The following COL16A1 variants were observed in gnomAD, a reference collection of about 807,000 sequenced individuals.
COL16A1 encodes collagen type XVI alpha 1 chain.
COL16A1 carries 189 observed loss-of-function variants against 266.3 expected under a neutral mutation model. That is an observed-to-expected ratio of 0.71 (90% CI 0.63 to 0.80). The LOEUF is 0.80. COL16A1 is among the 30% of genes least tolerant of loss of function. The pLI, the probability that COL16A1 is intolerant of heterozygous loss-of-function variation, is 0.00. For missense variants in COL16A1, 1,928 were observed against 2,122.4 expected (o/e 0.91, Z 1.80); for synonymous variants, 740 against 782.3 (o/e 0.95, Z 0.90).
At chr1:31,660,810 C>T (rs549547692) in intron 61 of COL16A1, among the ~76,000 whole-genome samples, 172 bp from the exon 62 acceptor site, 1 of 152,342 alleles carries the variant, frequency 6.6e-6, no homozygotes, top group East Asian at 1.9e-4. Context: ...GTAGAGAAGG[C>T]GGATCCTCAG....
At chr1:31,659,077 T>G in intron 62 of COL16A1, 113 bp from the exon 63 acceptor site, 1 of 988,734 alleles carries the variant, frequency 1.0e-6, no homozygotes, top group East Asian at 2.7e-5. Flanking sequence ...CCATTTCCTC[T>G]GGAAACCTTC....
chr1:31,669,965 G>C (rs1205153039), intron 49 of COL16A1: 5 of 152,362 alleles, frequency 3.3e-5, no homozygotes. Context: ...CTGGAGCCAA[G>C]GAAGAGGAAG....
Position 31,685,809 on chromosome 1 carries a change from C to A in COL16A1, c.1885-39G>T. On this transcript the variant is annotated intron_variant, in intron 28 of 70. Coordinates refer to ENST00000373672, the MANE Select transcript of COL16A1 (RefSeq NM_001856.4). This position sits in a 1 kb window ranked among gnomAD's most constrained non-coding sequence, Gnocchi z 4.0. ...ACATTGAGTTAGGGGGTCCCCCAGG[C>A]CCTAGTGCACTTGAGCGAGGTTTGG... 6.2e-7 allele frequency: 1 copy of A among 1,606,348 alleles called. No individual in the cohort carries two copies. The highest frequency in any genetic ancestry group is 8.5e-7 in the Non-Finnish European group (1 of 1,174,558).
At chr1:31,654,643 C>T in intron 68 of COL16A1, 149 bp downstream of exon 68, 1 of 1,445,468 alleles carries the variant, frequency 6.9e-7, no homozygotes, top group Non-Finnish European at 9.4e-7. Context: ...GATAATTGAA[C>T]ATCTGCCTGT....
At chr1:31,689,930 A>T in intron 22 of COL16A1, 79 bp from the exon 23 acceptor site, 3 of 1,236,800 alleles carry the variant, frequency 2.4e-6, no homozygotes, top group South Asian at 2.5e-5. Context: ...TGCGCAGACC[A>T]GCCCTAGACA....
chr1:31,689,109 G>A (rs748927309), intron 23 of COL16A1, 24 bp from the exon 24 acceptor site: 3 of 1,613,272 alleles, frequency 1.9e-6, no homozygotes, highest in Non-Finnish European at 1.7e-6. Flanking sequence ...AGGTTTGTGG[G>A]CTGAGGCAGG....
chr1:31,669,859 G>C (rs1353185097), intron 49 of COL16A1: 1 of 152,556 alleles, frequency 6.6e-6, no homozygotes, highest in African/African-American at 2.4e-5. Flanking sequence ...GGCAGAAGGA[G>C]CCGGCCAAGG....
At position 31,698,613 on chromosome 1, in the gene COL16A1, A is replaced by G. The variant is rs1644599792; in HGVS notation, c.267-7T>C. The G allele has an allele frequency of 6.2e-7, 1 of 1,613,476 alleles. No individual in the cohort carries two copies. Among genetic ancestry groups the G allele is most frequent in the Non-Finnish European group, 8.5e-7 (1 of 1,179,924 alleles). On this transcript the variant is annotated splice_polypyrimidine_tract_variant and splice_region_variant and intron_variant, in intron 4 of 70. Coordinates refer to ENST00000373672, the MANE Select transcript of COL16A1 (RefSeq NM_001856.4). This position sits in a 1 kb window ranked among gnomAD's most constrained non-coding sequence, Gnocchi z 4.1. Reference sequence around the variant, plus strand: ...ACCCCGAGGGAATACTCTTCTGGAGATGGAGCAGGGAGGGTGCCCTGAGGC... The same window carrying G: ...ACCCCGAGGGAATACTCTTCTGGAGGTGGAGCAGGGAGGGTGCCCTGAGGC...
chr1:31,687,358 G>C (rs1644031771), intron 26 of COL16A1, among the ~76,000 whole-genome samples: 1 of 148,016 alleles, frequency 6.8e-6, no homozygotes, highest in South Asian at 2.2e-4. Context: ...CTCCAGCCTG[G>C]GCAACAGAGT....
intron 44 of COL16A1, among the ~76,000 whole-genome samples, chr1:31,674,399 C>T (rs1396432274): frequency 6.6e-6 from 1 of 152,250 alleles, no homozygotes; most frequent in Non-Finnish European, 1.5e-5. Flanking sequence ...CTATGTGACT[C>T]TTGATTCCAA....
At chr1:31,681,338 ATTG>A (rs1308934181) in intron 37 of COL16A1, among the ~76,000 whole-genome samples, 1 of 152,190 alleles carries the variant, frequency 6.6e-6, no homozygotes, top group Non-Finnish European at 1.5e-5. Flanking sequence ...GCAGGACGGT[ATTG>A]TTCTGGTTTT....
At chr1:31,696,064 T>TCCGGCCCCCCC in intron 9 of COL16A1, 24 bp downstream of exon 9, 1 of 1,595,642 alleles carries the variant, frequency 6.3e-7, no homozygotes, top group Non-Finnish European at 8.6e-7. Context: ...GCAGGTAGGC[T>TCCGGCCCCCCC]CCTCCCCCCA....
Position 31,683,995 on chromosome 1 carries a change from G to C in COL16A1, c.2292C>G (p.Pro764=). 6.2e-7 allele frequency: 1 copy of C among 1,614,176 alleles called. No individual in the cohort carries two copies. The highest frequency in any genetic ancestry group is 8.5e-7 in the Non-Finnish European group (1 of 1,180,010). Residue 764 remains proline, a synonymous_variant, in exon 33 of 71, where the codon CCC becomes CCG. Transcript: ENST00000373672. ...GGGGCCCTTGAACTCCTGGTAGACC[G>C]GGTTGGCCCTAAAAGGCATAAGGTG... ...GVGRPGKPGQ[P]GLPGVQGPPG...
intron 56 of COL16A1, 90 bp from the exon 57 acceptor site, chr1:31,662,748 G>T: frequency 1.5e-6 from 2 of 1,355,406 alleles, no homozygotes; most frequent in Non-Finnish European, 1.0e-6. Flanking sequence ...TGGGTCAAGG[G>T]TCCTGGTGAC....
chr1:31,666,134 G>A (rs1642124821), intron 52 of COL16A1, 53 bp from the exon 53 acceptor site: 4 of 1,559,560 alleles, frequency 2.6e-6, no homozygotes, highest in Non-Finnish European at 3.5e-6. Context: ...GGTGAAGGAT[G>A]AGGTAGGGGG....
At position 31,693,090 on chromosome 1, in the gene COL16A1, A is replaced by T. The variant is rs1460412208; in HGVS notation, c.1071+2T>A. ...TGCCACGGGCAGGGCTGGGACACTT[A>T]CCCGTGCTCCCTTCTCTCCCTTGGA... On this transcript the variant is annotated splice_donor_variant, in intron 13 of 70. Transcript: ENST00000373672. LOFTEE classifies it high-confidence loss of function. 3.7e-5 allele frequency: 59 copies of T among 1,599,304 alleles called. No individual in the cohort carries two copies. Among genetic ancestry groups the T allele is most frequent in the Non-Finnish European group, 5.0e-5 (58 of 1,167,398 alleles).
rs1641182858 is a variant in COL16A1, at chr1:31,656,655, G to T, written c.4057-211C>A. Among the ~76,000 whole-genome samples, 1 of 152,166 alleles carries T rather than the reference G, an allele frequency of 6.6e-6. No homozygotes were observed. The highest frequency in any genetic ancestry group is 1.5e-5 in the Non-Finnish European group (1 of 68,016). On this transcript the variant is annotated intron_variant, in intron 65 of 70. Coordinates refer to ENST00000373672, the MANE Select transcript of COL16A1 (RefSeq NM_001856.4). The surrounding 1 kb of genome is among the most constrained non-coding windows in gnomAD (Gnocchi z 4.2). Reference sequence around the variant, plus strand: ...ATGGCCTTGTTTAAGCATGTTGGCTGGGCCCCCATCACAGATGAAGAGAGG... The same window carrying T: ...ATGGCCTTGTTTAAGCATGTTGGCTTGGCCCCCATCACAGATGAAGAGAGG...
chr1:31,698,645 G>A lies in COL16A1; in HGVS notation c.267-39C>T. On this transcript the variant is annotated intron_variant, in intron 4 of 70. Transcript: ENST00000373672. This position sits in a 1 kb window ranked among gnomAD's most constrained non-coding sequence, Gnocchi z 4.1. ...AGGGAGGGTGCCCTGAGGCTCCAAT[G>A]AGGACCCAAATGCTGCCCACCCTGA... is the stretch of plus-strand genomic sequence containing the variant. 1 of 1,608,996 alleles carries A rather than the reference G, an allele frequency of 6.2e-7. No individual in the cohort carries two copies. The highest frequency in any genetic ancestry group is 8.5e-7 in the Non-Finnish European group (1 of 1,178,430).
At position 31,683,201 on chromosome 1, in the gene COL16A1, C is replaced by G. The variant is rs774713095; in HGVS notation, c.2462G>C (p.Gly821Ala). 70 of 1,614,066 alleles carry G rather than the reference C, an allele frequency of 4.3e-5. No homozygotes were observed. The highest frequency in any genetic ancestry group is 5.9e-5 in the Non-Finnish European group (70 of 1,180,040). ...RGPPGPTGEK[G>A]AQGSPGVKGA... is the part of the protein sequence containing the mutation. ...ATGGAGGCAGAGGCTCACCTGGGCA[C>G]CCTTCTCTCCAGTGGGGCCAGGTGG... The change falls in exon 36 of 71, where the codon GGT becomes GCT. Residue 821 changes from glycine (G) to alanine (A), a missense_variant. Gly to Ala is a moderately conservative substitution (Grantham distance 60). This residue lies in a region of COL16A1 where 1,552 missense variants were observed against 1,637.2 expected (regional missense o/e 0.95). Coordinates refer to ENST00000373672, the MANE Select transcript of COL16A1 (RefSeq NM_001856.4).
Sources: gnomAD v4.1 joint callset for allele counts (sites outside exome capture counted in the v4.1 genomes callset) on GRCh38, gnomAD v4.1.1 for gene constraint, gnomAD v4.1.1 regional missense constraint, Gnocchi (gnomAD v3.1) non-coding constraint, MANE v1.5 for transcripts, NCBI Gene and HGNC (gene_info 2026-07-23, HGNC 2026-07-21) for gene names.